The following SLC2A11 variants were observed in gnomAD, a reference collection of about 807,000 sequenced individuals.
The protein encoded by SLC2A11 is solute carrier family 2, facilitated glucose transporter member 11.
Under a neutral mutation model 52.1 loss-of-function variants are expected in SLC2A11, and 43 were observed. The ratio of observed to expected loss-of-function variants is 0.82; its 90% confidence interval spans 0.65 to 1.06. The LOEUF (loss-of-function observed/expected upper bound fraction) is 1.06. SLC2A11 is among the 50% of genes least tolerant of loss of function. SLC2A11 has a pLI of 0.00. For missense variants in SLC2A11, 582 were observed against 654.2 expected, an observed-to-expected ratio of 0.89 and a Z score of 1.20; for synonymous variants, 261 against 277.6, an observed-to-expected ratio of 0.94 and a Z score of 0.59.
intron 3 of SLC2A11, among the ~76,000 whole-genome samples, chr22:23,874,294 T>C (rs1452136857): frequency 6.6e-6 from 1 of 152,132 alleles, no homozygotes; most frequent in Non-Finnish European, 1.5e-5. Flanking sequence ...AGTACCTTCA[T>C]TGTTGCTGTT....
rs1449854149 is a variant in SLC2A11, at chr22:23,857,929, G to C, written c.-71G>C. 5 of 1,590,384 alleles carry C rather than the reference G, an allele frequency of 3.1e-6. No individual in the cohort carries two copies. The highest frequency in any genetic ancestry group is 4.3e-6 in the Non-Finnish European group (5 of 1,169,638). Reference sequence around the variant, plus strand: ...CCTTCCCTCCGCGCACAGGCTGCCGGCTCACCGCTTGCTAATGGCAGCCGG... The same window carrying C: ...CCTTCCCTCCGCGCACAGGCTGCCGCCTCACCGCTTGCTAATGGCAGCCGG... On this transcript the variant is annotated 5_prime_UTR_variant, in exon 1 of 12. Coordinates refer to ENST00000316185, the MANE Select transcript of SLC2A11 (RefSeq NM_001024939.4).
intron 4 of SLC2A11, 65 bp downstream of exon 4, chr22:23,875,306 TTTTA>T: frequency 6.1e-6 from 8 of 1,308,726 alleles, no homozygotes; most frequent in Non-Finnish European, 7.9e-6. Context: ...CATTAATTCC[TTTTA>T]TTTCATTTCT....
In SLC2A11 at chr22:23,886,238, C is replaced by A. The variant is rs2032991173; in HGVS notation, c.*1389C>A. ...GACCATGATTTATTTATCCATCTAC[C>A]TGTTGGTGAACATTTTGGCTGTTTC... On this transcript the variant is annotated 3_prime_UTR_variant, in exon 12 of 12. Transcript: ENST00000316185. 2.0e-5 allele frequency: 3 copies of A among 152,218 alleles called. No individual in the cohort carries two copies. The highest frequency in any genetic ancestry group is 7.2e-5 in the African/African-American group (3 of 41,458). 9.4% of individuals were successfully genotyped at this position (152,218 alleles called of 1,614,324 possible).
intron 2 of SLC2A11, chr22:23,866,469 A>G (rs1014431792): frequency 2.4e-5 from 4 of 169,322 alleles, no homozygotes; most frequent in Middle Eastern, 5.2e-4. Flanking sequence ...AAGGGTGTCC[A>G]TGTCTTCCTC....
In SLC2A11 at chr22:23,877,798, C is replaced by G. The variant is rs756498579; in HGVS notation, c.623C>G (p.Ser208Cys). 3 of 1,612,384 alleles carry G rather than the reference C, an allele frequency of 1.9e-6. No individual in the cohort carries two copies. Among genetic ancestry groups the G allele is most frequent in the Middle Eastern group, 1.7e-4 (1 of 6,058 alleles). The change falls in exon 6 of 12, where the codon TCC becomes TGC. Residue 208 changes from serine (S) to cysteine (C), a missense_variant. By Grantham distance (112) the Ser-to-Cys change is moderately radical. Transcript: ENST00000316185. ...CLVPGALQLASLPLLPESPRY... is the reference protein window; with the variant it reads ...CLVPGALQLACLPLLPESPRY... ...GTGCCCGGGGCGCTCCAGCTCGCCT[C>G]CCTGCCTCTGCTCCCTGAAAGCCCG...
chr22:23,884,928 T>A lies in SLC2A11; in HGVS notation c.*79T>A. 8.4e-7 allele frequency: 1 copy of A among 1,185,538 alleles called. No individual in the cohort carries two copies. Among genetic ancestry groups the A allele is most frequent in the Non-Finnish European group, 1.2e-6 (1 of 825,312 alleles). The allele number at this position is 1,185,538 out of a possible 1,614,324, so 73.4% of individuals were successfully genotyped here. A position where few individuals can be genotyped will look rare whatever the true frequency, so the allele number is the denominator to read the frequency against. The stretch of plus-strand genomic sequence containing the variant: ...TGCCAGGGCCCTGGTCCTCACTCCC[T>A]CCTGCATTCCTCATTTAAGGAGTGT... On this transcript the variant is annotated 3_prime_UTR_variant, in exon 12 of 12. Coordinates refer to ENST00000316185, the MANE Select transcript of SLC2A11 (RefSeq NM_001024939.4). The surrounding 1 kb of genome is among the most constrained non-coding windows in gnomAD (Gnocchi z 4.3).
intron 2 of SLC2A11, among the ~76,000 whole-genome samples, chr22:23,863,211 A>G (rs1205022802): frequency 6.7e-6 from 1 of 150,172 alleles, no homozygotes; most frequent in Non-Finnish European, 1.5e-5. Context: ...CCACCTGTAG[A>G]AGCCCACCCC....
chr22:23,858,894 T>C (rs1191218220), intron 1 of SLC2A11, among the ~76,000 whole-genome samples: 1 of 152,222 alleles, frequency 6.6e-6, no homozygotes, highest in East Asian at 1.9e-4. Flanking sequence ...TGTTGTTCAC[T>C]GCTGTATCCC....
In SLC2A11 at chr22:23,877,072, T is replaced by TG. The variant is rs764073876; in HGVS notation, c.451dup (p.Glu151GlyfsTer5). ...AGCATGAACATCCAGCCCATGTACC[T>TG]GGGGGAGAGCGCCCCTAAGGAGCTC... On this transcript the variant is annotated frameshift_variant, in exon 5 of 12. Coordinates refer to ENST00000316185, the MANE Select transcript of SLC2A11 (RefSeq NM_001024939.4). LOFTEE classifies it high-confidence loss of function. 1 of 1,613,900 alleles carries TG rather than the reference T, an allele frequency of 6.2e-7. No individual in the cohort carries two copies. Among genetic ancestry groups the TG allele is most frequent in the African/African-American group, 1.3e-5 (1 of 74,974 alleles).
chr22:23,858,261 C>T (rs1483852711), intron 1 of SLC2A11: 1 of 690,824 alleles, frequency 1.4e-6, no homozygotes, highest in Non-Finnish European at 2.7e-6. Context: ...CCTGGCATCC[C>T]AGCCCCCAGA....
chr22:23,868,704 G>A, intron 3 of SLC2A11, 63 bp downstream of exon 3: 1 of 1,582,270 alleles, frequency 6.3e-7, no homozygotes, highest in Non-Finnish European at 8.6e-7. Flanking sequence ...CCTGCAGGCT[G>A]AGGAATGTGG....
chr22:23,861,900 TCAGAA>T (rs1302941758), intron 1 of SLC2A11, among the ~76,000 whole-genome samples, 199 bp from the exon 2 acceptor site: 5 of 152,166 alleles, frequency 3.3e-5, no homozygotes, highest in African/African-American at 7.2e-5. Flanking sequence ...GGTCCTGGAC[TCAGAA>T]CAGGAGGCTT....
At chr22:23,872,997 T>G (rs1221871650) in intron 3 of SLC2A11, 2 of 152,240 alleles carry the variant, frequency 1.3e-5, no homozygotes, top group African/African-American at 4.8e-5. Context: ...GAATGGACTG[T>G]GGCCTGCAGC....
intron 2 of SLC2A11, chr22:23,867,823 T>C (rs1015294012): frequency 4.3e-6 from 2 of 466,246 alleles, no homozygotes; most frequent in Admixed American, 4.7e-5. Context: ...AGCAACCTAC[T>C]CTCCCAGGAT....
At chr22:23,882,737 C>T (rs536705957) in intron 7 of SLC2A11, 22 bp from the exon 8 acceptor site, 2 of 1,608,138 alleles carry the variant, frequency 1.2e-6, no homozygotes, top group Admixed American at 1.7e-5. Flanking sequence ...GGAGCCCAGG[C>T]CTGAAAGCCA....
At chr22:23,868,321 G>A in intron 2 of SLC2A11, 160 bp from the exon 3 acceptor site, 1 of 758,376 alleles carries the variant, frequency 1.3e-6, no homozygotes, top group South Asian at 1.8e-5. Context: ...GAGGTGCTCA[G>A]GCGAGTTGGT....
intron 4 of SLC2A11, 91 bp from the exon 5 acceptor site, chr22:23,876,951 A>G: frequency 6.3e-7 from 1 of 1,596,816 alleles, no homozygotes; most frequent in Non-Finnish European, 8.5e-7. Context: ...GTGGCTGGAC[A>G]GTGCTGAGTG....
Position 23,875,163 on chromosome 22 carries a change from A to T in SLC2A11, c.337A>T (p.Ile113Phe). ...TAACATCTTTGTGGTGTCAGCAGCA[A>T]TCCTGTTTGGATTCAGCCGCAAAGC... is the stretch of plus-strand genomic sequence containing the variant. Reference protein sequence around the residue: ...VNNIFVVSAAILFGFSRKAGS... With the variant: ...VNNIFVVSAAFLFGFSRKAGS... Residue 113 changes from isoleucine (I) to phenylalanine (F), a missense_variant, in exon 4 of 12, where the codon ATC becomes TTC. Coordinates refer to ENST00000316185, the MANE Select transcript of SLC2A11 (RefSeq NM_001024939.4). The T allele has an allele frequency of 6.3e-7, 1 of 1,595,060 alleles. No homozygotes were observed. Among genetic ancestry groups the T allele is most frequent in the Non-Finnish European group, 8.5e-7 (1 of 1,170,376 alleles).
intron 2 of SLC2A11, among the ~76,000 whole-genome samples, chr22:23,864,865 T>C (rs2032200850): frequency 6.6e-6 from 1 of 151,962 alleles, no homozygotes; most frequent in Non-Finnish European, 1.5e-5. Flanking sequence ...CCCAGCACTT[T>C]GAGAGGCTGA....
Sources: allele counts gnomAD v4.1 joint callset (sites outside exome capture counted in the v4.1 genomes callset), GRCh38; gene constraint gnomAD v4.1.1; non-coding constraint Gnocchi (gnomAD v3.1); transcripts MANE v1.5; gene names NCBI Gene and HGNC (gene_info 2026-07-23, HGNC 2026-07-21).